Variants in LRRTM4 observed in about 807,000 individuals in gnomAD.
The protein encoded by LRRTM4 is leucine-rich repeat transmembrane neuronal protein 4.
Under a neutral mutation model 47.6 loss-of-function variants are expected in LRRTM4, and 25 were observed. The observed-to-expected ratio is 0.53, with a 90% CI of 0.38 to 0.73. The LOEUF is 0.73. Among genes scored for constraint, LRRTM4 ranks in the 30% least tolerant of loss-of-function variants. The pLI is 0.00. For synonymous variants in LRRTM4, 311 were observed against 269.5 expected, an observed-to-expected ratio of 1.15 and a Z score of -1.51; for missense variants, 638 against 713.4, an observed-to-expected ratio of 0.89 and a Z score of 1.20.
intron 3 of LRRTM4, among the ~76,000 whole-genome samples, chr2:77,167,582 G>A (rs1672922142): frequency 1.3e-5 from 2 of 152,148 alleles, no homozygotes; most frequent in South Asian, 2.1e-4. Context: ...ACTGGATTAA[G>A]AAAATGTGGC....
chr2:77,242,443 A>T (rs148301768), intron 3 of LRRTM4, among the ~76,000 whole-genome samples: 1 of 152,148 alleles, frequency 6.6e-6, no homozygotes, highest in Admixed American at 6.6e-5. Flanking sequence ...CATATCTAAA[A>T]TATATTTTAA....
rs370644168 is a variant in LRRTM4, at chr2:76,809,580, A to G, written c.1552-60664T>C. 3.7e-3 allele frequency among the ~76,000 whole-genome samples: 566 copies of G among 152,238 alleles called. 3 individuals are homozygous for G. Among genetic ancestry groups the G allele is most frequent in the African/African-American group, 0.013 (542 of 41,536 alleles). On this transcript the variant is annotated intron_variant, in intron 3 of 3. Transcript: ENST00000409884. Reference sequence around the variant, plus strand: ...GCAATCACTAATTCTTGTCTTGTCTATGAGAGCAATTTCTCTTCTTCCATT... The same window carrying G: ...GCAATCACTAATTCTTGTCTTGTCTGTGAGAGCAATTTCTCTTCTTCCATT...
chr2:77,235,611 T>A (rs1170148255), intron 3 of LRRTM4, among the ~76,000 whole-genome samples: 1 of 152,108 alleles, frequency 6.6e-6, no homozygotes, highest in African/African-American at 2.4e-5. Context: ...CAGAATAATG[T>A]TTCTTGGGTT....
At chr2:76,944,558 G>C (rs1030756588) in intron 3 of LRRTM4, among the ~76,000 whole-genome samples, 3 of 152,092 alleles carry the variant, frequency 2.0e-5, no homozygotes, top group African/African-American at 7.2e-5. Context: ...TTCTGAACAT[G>C]AAAGGAGATG....
At chr2:76,965,014 A>G (rs1424972978) in intron 3 of LRRTM4, among the ~76,000 whole-genome samples, 2 of 151,206 alleles carry the variant, frequency 1.3e-5, no homozygotes, top group East Asian at 2.0e-4. Flanking sequence ...GATTAAGCCC[A>G]TATCTATTAA....
At chr2:77,373,086 A>ATATATATAT (rs1553435858) in intron 3 of LRRTM4, among the ~76,000 whole-genome samples, 1,973 of 129,702 alleles carry the variant, frequency 0.015, 21 homozygotes, top group South Asian at 0.042. Context: ...AATTAAAAAA[A>ATATATATAT]AAATATATAT....
intron 3 of LRRTM4, among the ~76,000 whole-genome samples, chr2:77,016,383 TAA>T (rs75200969): frequency 0.02 from 2,675 of 133,324 alleles, 75 homozygotes; most frequent in African/African-American, 0.068. Context: ...GAACTCCATT[TAA>T]AAAAAAAAAA....
chr2:77,308,688 C>T (rs1252077083), intron 3 of LRRTM4, among the ~76,000 whole-genome samples: 1 of 152,172 alleles, frequency 6.6e-6, no homozygotes, highest in Non-Finnish European at 1.5e-5. Context: ...TCTATCACCA[C>T]AGCAATCCAT....
At chr2:76,990,190 C>T (rs907423366) in intron 3 of LRRTM4, among the ~76,000 whole-genome samples, 1 of 151,598 alleles carries the variant, frequency 6.6e-6, no homozygotes, top group Non-Finnish European at 1.5e-5. Context: ...ATTTTGTTTC[C>T]ACCTATGAAA....
chr2:77,237,325 G>C (rs1457806675), intron 3 of LRRTM4, among the ~76,000 whole-genome samples: 1 of 151,916 alleles, frequency 6.6e-6, no homozygotes, highest in Non-Finnish European at 1.5e-5. Flanking sequence ...AGATTTTCTA[G>C]TTTGTATACA....
At chr2:77,289,741 T>G (rs944486489) in intron 3 of LRRTM4, among the ~76,000 whole-genome samples, 3 of 152,096 alleles carry the variant, frequency 2.0e-5, no homozygotes, top group Non-Finnish European at 2.9e-5. Context: ...TTTTTGCCAA[T>G]TTAATTGTTT....
intron 3 of LRRTM4, among the ~76,000 whole-genome samples, chr2:77,087,301 A>G (rs1342688418): frequency 6.6e-6 from 1 of 152,206 alleles, no homozygotes; most frequent in Non-Finnish European, 1.5e-5. Context: ...ACAAAACTAC[A>G]AGAGATTTTA....
chr2:77,205,912 T>C (rs1573075453), intron 3 of LRRTM4, among the ~76,000 whole-genome samples: 1 of 152,048 alleles, frequency 6.6e-6, no homozygotes, highest in South Asian at 2.1e-4. Flanking sequence ...CTCGGCCCAC[T>C]GCAGCCTCTA....
intron 3 of LRRTM4, among the ~76,000 whole-genome samples, chr2:77,035,844 A>G (rs1161751797): frequency 6.6e-6 from 1 of 151,920 alleles, no homozygotes; most frequent in East Asian, 1.9e-4. Context: ...TACGTACCAC[A>G]ATGGCATCTA....
At chr2:77,033,221 TA>T (rs768934220) in intron 3 of LRRTM4, among the ~76,000 whole-genome samples, 1 of 151,994 alleles carries the variant, frequency 6.6e-6, no homozygotes, top group Non-Finnish European at 1.5e-5. Context: ...TCATATTTTC[TA>T]AACAAGATCA....
chr2:77,206,151 T>C (rs1033231044), intron 3 of LRRTM4, among the ~76,000 whole-genome samples: 2 of 151,118 alleles, frequency 1.3e-5, no homozygotes, highest in Non-Finnish European at 2.9e-5. Context: ...CTGTCTTCTT[T>C]GCCAATACAC....
At chr2:76,836,592 A>G (rs553615838) in intron 3 of LRRTM4, among the ~76,000 whole-genome samples, 57 of 152,200 alleles carry the variant, frequency 3.7e-4, no homozygotes, top group African/African-American at 1.3e-3. Flanking sequence ...CAGTTATACA[A>G]CAAAGACTGT....
chr2:77,011,584 G>A (rs1677878378), intron 3 of LRRTM4, among the ~76,000 whole-genome samples: 1 of 146,830 alleles, frequency 6.8e-6, no homozygotes, highest in Admixed American at 6.8e-5. Context: ...TGTGTAGAAT[G>A]AAGAAAATGT....
At chr2:76,896,566 G>A (rs1315091656) in intron 3 of LRRTM4, among the ~76,000 whole-genome samples, 1 of 151,848 alleles carries the variant, frequency 6.6e-6, no homozygotes, top group Admixed American at 6.6e-5. Context: ...ATTGACAAAA[G>A]TTTATATGGT....
Sources: allele counts gnomAD v4.1 joint callset (sites outside exome capture counted in the v4.1 genomes callset), GRCh38; gene constraint gnomAD v4.1.1; transcripts MANE v1.5; gene names NCBI Gene and HGNC (gene_info 2026-07-23, HGNC 2026-07-21).